Variants in UBE3C observed in about 807,000 individuals in gnomAD.
UBE3C encodes ubiquitin-protein ligase E3C.
In UBE3C, 42 loss-of-function variants were observed where a neutral mutation model predicts 129.4. The ratio of observed to expected loss-of-function variants is 0.32; its 90% CI spans 0.25 to 0.42. The LOEUF (loss-of-function observed/expected upper bound fraction) is 0.42, where lower values mean the gene tolerates loss of function less well. UBE3C is among the 10% of genes least tolerant of loss of function. The pLI, the probability that UBE3C is intolerant of heterozygous loss-of-function variation, is 1.00. For missense variants in UBE3C, 1,049 were observed against 1,319.1 expected (o/e 0.80, Z 3.17); for synonymous variants, 510 against 492.4 (o/e 1.04, Z -0.47).
intron 1 of UBE3C, among the ~76,000 whole-genome samples, chr7:157,144,723 T>G (rs1278648698): frequency 6.6e-6 from 1 of 152,116 alleles, no homozygotes; most frequent in Non-Finnish European, 1.5e-5. Context: ...TTAGAGCAGT[T>G]TCAGGTTTAC....
chr7:157,175,871 A>T (rs1229991291), intron 5 of UBE3C, among the ~76,000 whole-genome samples: 2 of 152,198 alleles, frequency 1.3e-5, no homozygotes, highest in Non-Finnish European at 2.9e-5. Flanking sequence ...GGAGTTTGCA[A>T]ACTTTTTATG....
chr7:157,204,398 CA>C (rs35298527), intron 11 of UBE3C, among the ~76,000 whole-genome samples: 2,210 of 86,396 alleles, frequency 0.026, 42 homozygotes, highest in East Asian at 0.085. Flanking sequence ...AACTTTGTTT[CA>C]AAAAAAAAAA....
intron 22 of UBE3C, among the ~76,000 whole-genome samples, chr7:157,262,751 A>G (rs1008868578): frequency 2.0e-5 from 3 of 151,970 alleles, no homozygotes; most frequent in East Asian, 3.9e-4. Context: ...CTGTGCTCTT[A>G]CTAGTTTTAC....
At chr7:157,189,612 G>T (rs562893930) in intron 10 of UBE3C, among the ~76,000 whole-genome samples, 30 of 152,254 alleles carry the variant, frequency 2.0e-4, no homozygotes, top group South Asian at 1.7e-3. Flanking sequence ...ACTCAGCCCC[G>T]CGGCATTCCT....
At chr7:157,150,062 G>A (rs767277188) in intron 1 of UBE3C, among the ~76,000 whole-genome samples, 2 of 152,118 alleles carry the variant, frequency 1.3e-5, no homozygotes, top group Non-Finnish European at 2.9e-5. Flanking sequence ...CCTACCTAGG[G>A]TTGGTTATAA....
chr7:157,188,829 G>A, intron 10 of UBE3C: 1 of 417,134 alleles, frequency 2.4e-6, no homozygotes. Context: ...GTATTTGAAA[G>A]ATGATTAGTA....
chr7:157,182,972 C>T (rs1221999676), intron 8 of UBE3C, among the ~76,000 whole-genome samples: 1 of 152,198 alleles, frequency 6.6e-6, no homozygotes, highest in Non-Finnish European at 1.5e-5. Flanking sequence ...TGGTCTCAAT[C>T]TCTTGACCTC....
At chr7:157,145,762 C>CT (rs554147176) in intron 1 of UBE3C, among the ~76,000 whole-genome samples, 9 of 150,900 alleles carry the variant, frequency 6.0e-5, no homozygotes, top group South Asian at 2.1e-4. Flanking sequence ...AATTAATAAG[C>CT]TTTTTTTTTA....
intron 13 of UBE3C, among the ~76,000 whole-genome samples, chr7:157,212,973 G>A (rs1371397564): frequency 6.6e-6 from 1 of 152,056 alleles, no homozygotes; most frequent in East Asian, 1.9e-4. Flanking sequence ...ACCCAGGCTG[G>A]TCTTGAACTC....
At chr7:157,175,069 T>A in intron 5 of UBE3C, 35 bp downstream of exon 5, 1 of 1,488,152 alleles carries the variant, frequency 6.7e-7, no homozygotes, top group Non-Finnish European at 9.1e-7. Flanking sequence ...ACGTATATAA[T>A]GTATTGATCA....
chr7:157,231,044 A>G (rs1245311971), intron 17 of UBE3C, 36 bp from the exon 18 acceptor site: 1 of 1,607,754 alleles, frequency 6.2e-7, no homozygotes. Context: ...TGCTTGTAAC[A>G]TCTTTCCTCC....
At chr7:157,262,903 C>G (rs773696802) in intron 22 of UBE3C, 4 of 152,140 alleles carry the variant, frequency 2.6e-5, no homozygotes, top group Non-Finnish European at 5.9e-5. Context: ...GGACATTGCT[C>G]TAGTTTGATT....
intron 22 of UBE3C, among the ~76,000 whole-genome samples, chr7:157,265,311 T>TGGAAGG (rs1797047150): frequency 6.6e-6 from 1 of 152,220 alleles, no homozygotes; most frequent in African/African-American, 2.4e-5. Flanking sequence ...TGTGCCTTAT[T>TGGAAGG]GTCTTCCTGT....
chr7:157,264,389 C>A (rs1797014647), intron 22 of UBE3C, among the ~76,000 whole-genome samples: 1 of 110,894 alleles, frequency 9.0e-6, no homozygotes, highest in Non-Finnish European at 1.8e-5. Flanking sequence ...AGGTGTGAGT[C>A]AACATGCTCG....
intron 1 of UBE3C, 36 bp from the exon 2 acceptor site, chr7:157,163,774 A>G: frequency 6.3e-7 from 1 of 1,598,424 alleles, no homozygotes; most frequent in Non-Finnish European, 8.5e-7. Flanking sequence ...AATTGAAATT[A>G]TAACCTTACC....
chr7:157,164,448 T>G (rs1371185886), intron 2 of UBE3C: 1 of 456,550 alleles, frequency 2.2e-6, no homozygotes, highest in Admixed American at 2.4e-5. Context: ...AACTGCCTCG[T>G]CTGGCTGATG....
At chr7:157,187,223 C>T (rs1314855257) in intron 10 of UBE3C, among the ~76,000 whole-genome samples, 4 of 152,112 alleles carry the variant, frequency 2.6e-5, no homozygotes, top group Non-Finnish European at 4.4e-5. Flanking sequence ...TTTCCTGGCC[C>T]GTGAGGCTCT....
chr7:157,242,523 T>TTTG (rs1796362572), intron 18 of UBE3C, among the ~76,000 whole-genome samples: 1 of 146,930 alleles, frequency 6.8e-6, no homozygotes, highest in African/African-American at 2.5e-5. Context: ...TGTTTTTTTT[T>TTTG]TTTTTTTTTT....
chr7:157,180,582 A>AAAGACCAT (rs370244354), intron 6 of UBE3C, among the ~76,000 whole-genome samples: 1 of 152,054 alleles, frequency 6.6e-6, no homozygotes, highest in Non-Finnish European at 1.5e-5. Context: ...TGTGCTACCA[A>AAAGACCAT]ATACGCTTGT....
Sources: allele counts gnomAD v4.1 joint callset (sites outside exome capture counted in the v4.1 genomes callset), GRCh38; gene constraint gnomAD v4.1.1; transcripts MANE v1.5; gene names NCBI Gene and HGNC (gene_info 2026-07-23, HGNC 2026-07-21).